FLNB: variants seen among roughly 807,000 people sequenced by gnomAD.
FLNB encodes filamin-B.
FLNB carries 111 observed loss-of-function variants against 250.6 expected under a neutral mutation model. The ratio of observed to expected loss-of-function variants is 0.44; its 90% CI spans 0.38 to 0.52. The LOEUF (loss-of-function observed/expected upper bound fraction) is 0.52. Ranked by LOEUF, FLNB falls within the 20% of genes least tolerant of loss-of-function variation. The probability of loss-of-function intolerance (pLI) is 0.00; values close to 1 mark genes in which losing one functional copy is unlikely to be tolerated. For synonymous variants in FLNB, 1,302 were observed against 1,372.1 expected (o/e 0.95, Z 1.13); for missense variants, 2,869 against 3,447.8 (o/e 0.83, Z 4.20).
chr3:58,067,888 A>C (rs1043307015), intron 1 of FLNB, among the ~76,000 whole-genome samples: 2 of 152,180 alleles, frequency 1.3e-5, no homozygotes, highest in African/African-American at 4.8e-5. Context: ...GGTTTTCTTA[A>C]AAACAATAAC....
At chr3:58,102,104 A>C in intron 8 of FLNB, 99 bp from the exon 9 acceptor site, 1 of 1,423,276 alleles carries the variant, frequency 7.0e-7, no homozygotes, top group South Asian at 1.2e-5. Flanking sequence ...ATTTGTGCAA[A>C]GCAAATATTT....
chr3:58,075,677 T>G (rs1254564803), intron 1 of FLNB, among the ~76,000 whole-genome samples: 1 of 152,138 alleles, frequency 6.6e-6, no homozygotes, highest in Non-Finnish European at 1.5e-5. Context: ...TTCAAGGCTA[T>G]CAAAGACAAA....
At chr3:58,112,061 C>A in intron 17 of FLNB, 88 bp from the exon 18 acceptor site, 1 of 1,341,984 alleles carries the variant, frequency 7.5e-7, no homozygotes, top group Non-Finnish European at 1.1e-6. Flanking sequence ...TCATAATAGA[C>A]CTGGTGCTGT....
chr3:58,168,691 C>CCAGGAAGGGAGAG, intron 44 of FLNB, 33 bp downstream of exon 44: 2 of 1,467,670 alleles, frequency 1.4e-6, no homozygotes, highest in Non-Finnish European at 1.9e-6. Flanking sequence ...GTTACTCTCC[C>CCAGGAAGGGAGAG]TTCCTGGGGA....
intron 32 of FLNB, 42 bp from the exon 33 acceptor site, chr3:58,145,879 C>T: frequency 4.3e-6 from 7 of 1,613,826 alleles, no homozygotes; most frequent in Non-Finnish European, 5.9e-6. Context: ...TCGTTCACCC[C>T]TTAATGAGCA....
At chr3:58,134,932 G>C (rs949674836) in intron 27 of FLNB, among the ~76,000 whole-genome samples, 160 bp downstream of exon 27, 1 of 152,252 alleles carries the variant, frequency 6.6e-6, no homozygotes, top group Admixed American at 6.5e-5. Context: ...AGCAGAAGCA[G>C]CTCACCTGAG....
chr3:58,125,885 TAGAA>T, intron 23 of FLNB, 142 bp downstream of exon 23: 1 of 797,382 alleles, frequency 1.3e-6, no homozygotes, highest in East Asian at 2.6e-5. Context: ...TTATGTTACA[TAGAA>T]AGACCAAGCA....
chr3:58,009,437 C>T (rs1284318483), intron 1 of FLNB, among the ~76,000 whole-genome samples: 1 of 152,142 alleles, frequency 6.6e-6, no homozygotes, highest in Admixed American at 6.5e-5. Flanking sequence ...CAAGGGTAGG[C>T]GCGGGTGTGT....
rs555125243 is a variant in FLNB, at chr3:58,008,836, G to C, written c.272G>C (p.Ser91Thr). ...GCGCTCGAGTTCCTGGACCGTGAGA[G>C]CATCAAGCTCGTGTCCATCGGTGAG... The part of the protein sequence containing the change: ...SVALEFLDRE[S>T]IKLVSIDSKA... The change falls in exon 1 of 46, where the codon AGC becomes ACC. Residue 91 changes from serine (S) to threonine (T), a missense_variant. Around this residue, in one of 5 missense-constraint regions of FLNB, gnomAD observed 308 missense variants for 466.1 expected, o/e 0.66. Transcript: ENST00000295956. The C allele has an allele frequency of 6.2e-7, 1 of 1,613,854 alleles. No homozygotes were observed. The highest frequency in any genetic ancestry group is 2.2e-5 in the East Asian group (1 of 44,876).
At chr3:58,144,994 T>A (rs1030058382) in intron 32 of FLNB, among the ~76,000 whole-genome samples, 9 of 152,238 alleles carry the variant, frequency 5.9e-5, no homozygotes, top group African/African-American at 2.2e-4. Context: ...ATTGGAGAGA[T>A]TAGCCCTTTG....
At position 58,142,022 on chromosome 3, in the gene FLNB, C is replaced by T; in HGVS notation, c.5181+93C>T. The T allele has an allele frequency of 1.9e-6, 2 of 1,054,114 alleles. No homozygotes were observed. Among genetic ancestry groups the T allele is most frequent in the South Asian group, 2.6e-5 (2 of 78,340 alleles). 65.3% of individuals were successfully genotyped at this position (1,054,114 alleles called of 1,614,324 possible). On this transcript the variant is annotated intron_variant, in intron 30 of 45. Transcript: ENST00000295956. This position sits in a 1 kb window ranked among gnomAD's most constrained non-coding sequence, Gnocchi z 4.3. ...ATCTGCTTCTGGGATTGCTTAAGCC[C>T]TGTGGGTGTCCTGGTCATTGGTGTG... is the stretch of plus-strand genomic sequence containing the variant.
At chr3:58,028,923 T>G (rs1480140939) in intron 1 of FLNB, among the ~76,000 whole-genome samples, 1 of 151,754 alleles carries the variant, frequency 6.6e-6, no homozygotes. Flanking sequence ...GCCAAAAACA[T>G]TTTAATAAAT....
chr3:58,030,671 C>G (rs1188756822), intron 1 of FLNB, among the ~76,000 whole-genome samples: 1 of 152,110 alleles, frequency 6.6e-6, no homozygotes, highest in African/African-American at 2.4e-5. Flanking sequence ...GCCAGGAGTT[C>G]CAGATCAGCC....
chr3:58,095,080 G>T (rs887536271), intron 5 of FLNB, 126 bp downstream of exon 5: 1 of 807,702 alleles, frequency 1.2e-6, no homozygotes, highest in Non-Finnish European at 2.2e-6. Context: ...TTACCAAAAG[G>T]ATACTGAGGC....
chr3:58,080,207 T>C (rs139339587), intron 3 of FLNB, among the ~76,000 whole-genome samples: 1 of 152,322 alleles, frequency 6.6e-6, no homozygotes, highest in African/African-American at 2.4e-5. Flanking sequence ...ATGGTCAGAA[T>C]GTTTTCTGGT....
At position 58,030,131 on chromosome 3, in the gene FLNB, G is replaced by A. The variant is rs566455903; in HGVS notation, c.292+21275G>A. Among the ~76,000 whole-genome samples the A allele has an allele frequency of 2.3e-4, 35 of 152,284 alleles. 1 individual carries two copies. In the South Asian group the frequency reaches 7.3e-3, roughly 32 times the overall value. On this transcript the variant is annotated intron_variant, in intron 1 of 45. Transcript: ENST00000295956. Reference sequence around the variant, plus strand: ...TCAGCTTTGTTAGAACATGCTAATGGCACCAGGACACTCAGAAGAGATACA... The same window carrying A: ...TCAGCTTTGTTAGAACATGCTAATGACACCAGGACACTCAGAAGAGATACA...
intron 16 of FLNB, among the ~76,000 whole-genome samples, chr3:58,110,573 C>T (rs980446765): frequency 6.6e-6 from 1 of 152,118 alleles, no homozygotes; most frequent in African/African-American, 2.4e-5. Flanking sequence ...GCCTCAGCCT[C>T]CCAAGTAGCT....
chr3:58,116,435 G>A (rs77213664), intron 18 of FLNB, among the ~76,000 whole-genome samples: 10,506 of 152,236 alleles, frequency 0.069, 418 homozygotes, highest in Non-Finnish European at 0.079. Context: ...CACGTGGGGA[G>A]CCGAGGTCCT....
chr3:58,153,419 G>A lies in FLNB; in HGVS notation c.6412G>A (p.Gly2138Ser). The A allele has an allele frequency of 6.2e-7, 1 of 1,614,246 alleles. No homozygotes were observed. Among genetic ancestry groups the A allele is most frequent in the Non-Finnish European group, 8.5e-7 (1 of 1,180,048 alleles). ...DMSAHVTSPS[G>S]RVTEAEIVPM... ...GTCGGCCCACGTCACCAGCCCCTCTGGCCGTGTGACTGAGGCAGAGATTGT... is the reference window on the plus strand; with the variant it reads ...GTCGGCCCACGTCACCAGCCCCTCTAGCCGTGTGACTGAGGCAGAGATTGT... The change falls in exon 39 of 46, where the codon GGC (glycine) becomes AGC (serine). Residue 2138 changes from glycine to serine, a missense_variant. Around this residue, in one of 5 missense-constraint regions of FLNB, gnomAD observed 1,084 missense variants for 1,315.5 expected, o/e 0.82. Transcript: ENST00000295956.
Sources: gnomAD v4.1 joint callset for allele counts (sites outside exome capture counted in the v4.1 genomes callset) on GRCh38, gnomAD v4.1.1 for gene constraint, gnomAD v4.1.1 regional missense constraint, Gnocchi (gnomAD v3.1) non-coding constraint, MANE v1.5 for transcripts, NCBI Gene and HGNC (gene_info 2026-07-23, HGNC 2026-07-21) for gene names.